Variants in MTRFR observed in about 807,000 individuals in gnomAD.
MTRFR encodes probable peptide chain release factor C12orf65, mitochondrial.
Under a neutral mutation model 11.9 loss-of-function variants are expected in MTRFR, and 10 were observed. That is an observed-to-expected ratio of 0.84 (90% CI 0.52 to 1.42). MTRFR has a LOEUF of 1.42. MTRFR is among the 40% of genes most tolerant of loss of function. MTRFR has a pLI of 0.00. For synonymous variants in MTRFR, 77 were observed against 79.1 expected (o/e 0.97, Z 0.14); for missense variants, 196 against 197.9 (o/e 0.99, Z 0.06).
chr12:123,233,454 T>C lies in MTRFR; in HGVS notation c.-106T>C, dbSNP rs1163838763. The C allele has an allele frequency of 1.7e-4, 26 of 152,220 alleles. No homozygotes were observed. The highest frequency in any genetic ancestry group is 1.7e-3 in the Admixed American group (26 of 15,282). 9.4% of individuals were successfully genotyped at this position (152,220 alleles called of 1,614,324 possible). A position where few individuals can be genotyped will look rare whatever the true frequency, so the allele number is the denominator to read the frequency against. On this transcript the variant is annotated 5_prime_UTR_variant, in exon 1 of 3. Transcript: ENST00000253233. ...GTACGGCGCGTGCGCAGATCAGGGA[T>C]CGCGATTGCGAATCCTCCGCTGAGG...
intron 1 of MTRFR, among the ~76,000 whole-genome samples, chr12:123,247,693 C>A (rs1300302051): frequency 6.6e-6 from 1 of 152,122 alleles, no homozygotes. Context: ...TGCCTGTAAT[C>A]CCAGCACTTT....
chr12:123,240,073 G>A (rs1364452691), intron 1 of MTRFR, among the ~76,000 whole-genome samples: 2 of 152,048 alleles, frequency 1.3e-5, no homozygotes, highest in African/African-American at 2.4e-5. Context: ...GGTTAGAAAT[G>A]CAGAGCCTCG....
chr12:123,250,645 A>G (rs2048100898), intron 1 of MTRFR: 1 of 152,268 alleles, frequency 6.6e-6, no homozygotes, highest in African/African-American at 2.4e-5. Flanking sequence ...CTAGCCACCC[A>G]GCGAATCTTC....
chr12:123,252,352 C>T (rs2048123254), intron 1 of MTRFR: 1 of 151,914 alleles, frequency 6.6e-6, no homozygotes, highest in Non-Finnish European at 1.5e-5. Context: ...AATCGCCTGA[C>T]CCTGGGGAAG....
intron 1 of MTRFR, among the ~76,000 whole-genome samples, chr12:123,235,436 C>G (rs1306163655): frequency 6.6e-6 from 1 of 152,026 alleles, no homozygotes; most frequent in Non-Finnish European, 1.5e-5. Flanking sequence ...CAGAGCTCAG[C>G]TCACTGCAAG....
intron 1 of MTRFR, among the ~76,000 whole-genome samples, chr12:123,243,387 G>A (rs765069329): frequency 6.6e-5 from 10 of 152,240 alleles, no homozygotes; most frequent in African/African-American, 2.2e-4. Flanking sequence ...AAAATTAGCC[G>A]GACGTGGTGG....
At chr12:123,234,888 C>T (rs1320171631) in intron 1 of MTRFR, among the ~76,000 whole-genome samples, 1 of 152,166 alleles carries the variant, frequency 6.6e-6, no homozygotes, top group Non-Finnish European at 1.5e-5. Context: ...TACCTGATTT[C>T]ACAGACCAGA....
intron 1 of MTRFR, among the ~76,000 whole-genome samples, chr12:123,238,413 CAA>C (rs927763257): frequency 2.0e-5 from 3 of 152,066 alleles, no homozygotes; most frequent in African/African-American, 7.2e-5. Flanking sequence ...AAGGAAGAGA[CAA>C]GACGGAATAA....
At chr12:123,240,622 AAAAC>A (rs888849669) in intron 1 of MTRFR, 7 of 152,032 alleles carry the variant, frequency 4.6e-5, no homozygotes, top group African/African-American at 2.4e-5. Flanking sequence ...TCAAAAAAAA[AAAAC>A]AAACAGTGAA....
intron 1 of MTRFR, among the ~76,000 whole-genome samples, chr12:123,239,527 C>T (rs932554204): frequency 1.3e-5 from 2 of 152,090 alleles, no homozygotes; most frequent in Admixed American, 1.3e-4. Context: ...CTCAGCCTCC[C>T]AAGTAGCTGG....
chr12:123,232,929 G>T (rs1410579062), upstream of MTRFR: 4 of 152,550 alleles, frequency 2.6e-5, no homozygotes, highest in African/African-American at 7.2e-5. Context: ...ACGCCGAAGG[G>T]CTCCGAGGGG....
chr12:123,237,743 A>G (rs1565990162), intron 1 of MTRFR, among the ~76,000 whole-genome samples: 1 of 152,196 alleles, frequency 6.6e-6, no homozygotes. Flanking sequence ...GGTCTGTTTC[A>G]AGCCTTACCA....
At chr12:123,235,228 A>G (rs1453497692) in intron 1 of MTRFR, among the ~76,000 whole-genome samples, 2 of 152,172 alleles carry the variant, frequency 1.3e-5, no homozygotes, top group African/African-American at 4.8e-5. Context: ...TCTCCATTCT[A>G]CAGATGAGGA....
chr12:123,238,029 G>A (rs762922604), intron 1 of MTRFR, among the ~76,000 whole-genome samples: 8 of 151,696 alleles, frequency 5.3e-5, no homozygotes, highest in Non-Finnish European at 1.0e-4. Context: ...CCGAGTAGCC[G>A]GGACTACAGG....
intron 1 of MTRFR, among the ~76,000 whole-genome samples, chr12:123,251,776 T>C (rs1418549963): frequency 6.6e-6 from 1 of 152,216 alleles, no homozygotes; most frequent in Non-Finnish European, 1.5e-5. Context: ...GCAGTTGATC[T>C]AGAGCTAAAA....
At chr12:123,233,290 G>A (rs1013409612), upstream of MTRFR, 2 of 152,320 alleles carry the variant, frequency 1.3e-5, no homozygotes, top group African/African-American at 4.8e-5. Context: ...GTGACAAGGG[G>A]GCGGGATTGC....
chr12:123,245,594 C>T (rs2048027900), intron 1 of MTRFR, among the ~76,000 whole-genome samples: 1 of 152,046 alleles, frequency 6.6e-6, no homozygotes, highest in Non-Finnish European at 1.5e-5. Flanking sequence ...AGAGGTCTTT[C>T]GACTCCTGTG....
chr12:123,246,033 T>C (rs1229187103), intron 1 of MTRFR, among the ~76,000 whole-genome samples: 1 of 152,144 alleles, frequency 6.6e-6, no homozygotes, highest in Non-Finnish European at 1.5e-5. Context: ...TTATGTTGGC[T>C]GTGGGTTTGT....
Position 123,253,070 on chromosome 12 carries a change from A to ATTTTTTTT in MTRFR, c.-28-547_-28-540dup, listed in dbSNP as rs71085872. 5.5e-4 allele frequency among the ~76,000 whole-genome samples: 19 copies of ATTTTTTTT among 34,844 alleles called. 7 individuals are homozygous for ATTTTTTTT. The East Asian group carries it at 6.2e-3, about 11-fold the overall frequency. The allele number at this position is 34,844 out of a possible 152,430, so 22.9% of individuals were successfully genotyped here. A position where few individuals can be genotyped will look rare whatever the true frequency, so the allele number is the denominator to read the frequency against. On this transcript the variant is annotated intron_variant, in intron 1 of 2. Transcript: ENST00000253233. ...ATCAAATTACAGTCCGTTCCTTTGA[A>ATTTTTTTT]TTTTTTTTTTTTTTTTTTTTTTTTT...
Sources: allele counts gnomAD v4.1 joint callset (sites outside exome capture counted in the v4.1 genomes callset), GRCh38; gene constraint gnomAD v4.1.1; transcripts MANE v1.5; gene names NCBI Gene and HGNC (gene_info 2026-07-23, HGNC 2026-07-21).